Variants in DBNL observed in about 807,000 individuals in gnomAD.
The protein encoded by DBNL is drebrin like.
A neutral mutation model predicts 62.2 loss-of-function variants in DBNL; 35 were observed. The ratio of observed to expected loss-of-function variants is 0.56; its 90% confidence interval spans 0.43 to 0.75. The LOEUF (loss-of-function observed/expected upper bound fraction) is 0.75, where lower values mean the gene tolerates loss of function less well. Ranked by LOEUF, DBNL falls within the 30% of genes least tolerant of loss-of-function variation. The pLI is 0.00. For missense variants in DBNL, 495 were observed against 578.4 expected (o/e 0.86, Z 1.48); for synonymous variants, 197 against 218.0 (o/e 0.90, Z 0.85).
intron 1 of DBNL, among the ~76,000 whole-genome samples, chr7:44,046,972 T>C (rs931048701): frequency 2.6e-5 from 4 of 152,222 alleles, no homozygotes; most frequent in Admixed American, 1.3e-4. Flanking sequence ...TTCAGAGTCC[T>C]TGCTCTGCTG....
Position 44,060,813 on chromosome 7 carries a change from T to G in DBNL, c.1190T>G (p.Leu397Arg). Residue 397 changes from leucine (L) to arginine (R), a missense_variant, in exon 13 of 13, where the codon CTC becomes CGC. Leu to Arg is a moderately radical substitution (Grantham distance 102, BLOSUM62 -2). Transcript: ENST00000448521. This position sits in a 1 kb window ranked among gnomAD's most constrained non-coding sequence, Gnocchi z 6.3. ...GAGATCTCCTTTGACCCCGAGAACC[T>G]CATCACGGGCATCGAGGTGATCGAC... ...DTEISFDPEN[L>R]ITGIEVIDEG... The G allele has an allele frequency of 6.2e-7, 1 of 1,614,008 alleles. No individual in the cohort carries two copies. The highest frequency in any genetic ancestry group is 8.5e-7 in the Non-Finnish European group (1 of 1,179,946).
At chr7:44,047,570 G>A (rs541646847) in intron 1 of DBNL, among the ~76,000 whole-genome samples, 3 of 152,244 alleles carry the variant, frequency 2.0e-5, no homozygotes, top group South Asian at 2.1e-4. Flanking sequence ...TTTTTCTTCC[G>A]TTAGAAAGTA....
rs2096148566 is a variant in DBNL at position 44,061,271 on chromosome 7, T to C, written c.*355T>C. On this transcript the variant is annotated 3_prime_UTR_variant, in exon 13 of 13. Transcript: ENST00000448521. ...TGGGAGGCTCTGGCTGCCTTCTGCATTTATTTGCCTTTTTTCTTTTTCTCT... is the reference window on the plus strand; with the variant it reads ...TGGGAGGCTCTGGCTGCCTTCTGCACTTATTTGCCTTTTTTCTTTTTCTCT... 4.0e-6 allele frequency: 1 copy of C among 251,438 alleles called. No homozygotes were observed. The highest frequency in any genetic ancestry group is 7.7e-6 in the Non-Finnish European group (1 of 129,176). 15.6% of individuals were successfully genotyped at this position (251,438 alleles called of 1,614,324 possible).
chr7:44,051,878 T>C lies in DBNL; in HGVS notation c.188T>C (p.Met63Thr). Reference protein sequence around the residue: ...MVEELNSGKVMYAFCRVKDPN... With the variant: ...MVEELNSGKVTYAFCRVKDPN... ...GAGGAGCTCAACAGCGGGAAGGTGATGTACGCCTTCTGCAGAGTGAAGGAC... is the reference window on the plus strand; with the variant it reads ...GAGGAGCTCAACAGCGGGAAGGTGACGTACGCCTTCTGCAGAGTGAAGGAC... The change falls in exon 3 of 13, where the codon ATG (methionine) becomes ACG (threonine). Residue 63 changes from methionine (M) to threonine (T), a missense_variant. Physicochemically the swap from Met to Thr is moderately conservative, Grantham distance 81. Coordinates refer to ENST00000448521, the MANE Select transcript of DBNL (RefSeq NM_001014436.3). The C allele has an allele frequency of 6.2e-7, 1 of 1,614,154 alleles. No individual in the cohort carries two copies. The highest frequency in any genetic ancestry group is 8.5e-7 in the Non-Finnish European group (1 of 1,180,020).
In DBNL at chr7:44,063,411, A is replaced by C. The variant is rs2096152892; in HGVS notation, c.*2495A>C. On this transcript the variant is annotated 3_prime_UTR_variant, in exon 13 of 13. Transcript: ENST00000448521. ...GTGATTCTGCCTCAGCCTCCCAAGT[A>C]GCTGGGATTACAGGTGAGCGCCACC... The C allele has an allele frequency of 4.8e-6, 1 of 208,646 alleles. No individual in the cohort carries two copies. The highest frequency in any genetic ancestry group is 2.3e-5 in the African/African-American group (1 of 43,042). 12.9% of individuals were successfully genotyped at this position (208,646 alleles called of 1,614,324 possible).
chr7:44,048,091 T>C (rs2096120506), intron 1 of DBNL, among the ~76,000 whole-genome samples: 1 of 152,152 alleles, frequency 6.6e-6, no homozygotes, highest in Non-Finnish European at 1.5e-5. Context: ...TAATTTTGTA[T>C]TTTTAGTAGA....
rs2096163893 is a variant in DBNL at position 44,068,576 on chromosome 7, C to T, written c.*7660C>T. On this transcript the variant is annotated 3_prime_UTR_variant, in exon 13 of 13. Coordinates refer to ENST00000448521, the MANE Select transcript of DBNL (RefSeq NM_001014436.3). Reference sequence around the variant, plus strand: ...TCCAAAATAACCCAGTGTATGAAAACCAGGAAAATCTTAACATGGGAGAAA... The same window carrying T: ...TCCAAAATAACCCAGTGTATGAAAATCAGGAAAATCTTAACATGGGAGAAA... The T allele has an allele frequency of 6.6e-6, 1 of 152,110 alleles. No individual in the cohort carries two copies. The highest frequency in any genetic ancestry group is 1.5e-5 in the Non-Finnish European group (1 of 68,016). 9.4% of individuals were successfully genotyped at this position (152,110 alleles called of 1,614,324 possible).
rs1256622864 is a variant in DBNL at position 44,060,334 on chromosome 7, T to C, written c.1153+181T>C. On this transcript the variant is annotated intron_variant, in intron 12 of 12. Coordinates refer to ENST00000448521, the MANE Select transcript of DBNL (RefSeq NM_001014436.3). The surrounding 1 kb of genome is among the most constrained non-coding windows in gnomAD (Gnocchi z 6.3). ...GGGGGTGACTGTGGCACTAGAGTGT[T>C]CTGCACAGCCCAGGCCTCCCTACAT... 6.6e-6 allele frequency among the ~76,000 whole-genome samples: 1 copy of C among 152,034 alleles called. No individual in the cohort carries two copies. Among genetic ancestry groups the C allele is most frequent in the East Asian group, 1.9e-4 (1 of 5,172 alleles).
intron 1 of DBNL, among the ~76,000 whole-genome samples, chr7:44,047,588 T>C (rs1252096787): frequency 6.6e-6 from 1 of 152,200 alleles, no homozygotes; most frequent in African/African-American, 2.4e-5. Context: ...GTAAGTTCCA[T>C]GGGCAGGACC....
chr7:44,057,705 C>G lies in DBNL; in HGVS notation c.475-77C>G, dbSNP rs892572501. ...CTCACCTGTGCTGTCGCAAGTTTAG[C>G]GTATTCTCTCCTTTGGTGCCTGTGG... On this transcript the variant is annotated intron_variant, in intron 5 of 12. Coordinates refer to ENST00000448521, the MANE Select transcript of DBNL (RefSeq NM_001014436.3). The G allele has an allele frequency of 3.2e-6, 5 of 1,543,280 alleles. No homozygotes were observed. The African/African-American group carries it at 6.8e-5, about 21-fold the overall frequency.
Position 44,064,739 on chromosome 7 carries a change from G to A in DBNL, c.*3823G>A, listed in dbSNP as rs1460864386. ...TGATGTGGAGCCCCACGCCTAGAAA[G>A]CCTGGTCCATGGGCGAGAGACTTTG... On this transcript the variant is annotated 3_prime_UTR_variant, in exon 13 of 13. Coordinates refer to ENST00000448521, the MANE Select transcript of DBNL (RefSeq NM_001014436.3). The A allele has an allele frequency of 3.5e-6, 4 of 1,131,542 alleles. No individual in the cohort carries two copies. Among genetic ancestry groups the A allele is most frequent in the Non-Finnish European group, 5.1e-6 (4 of 779,422 alleles). 70.1% of individuals were successfully genotyped at this position (1,131,542 alleles called of 1,614,324 possible). A position where few individuals can be genotyped will look rare whatever the true frequency, so the allele number is the denominator to read the frequency against.
At position 44,057,873 on chromosome 7, in the gene DBNL, C is replaced by T. The variant is rs751475220; in HGVS notation, c.552+14C>T. On this transcript the variant is annotated intron_variant, in intron 6 of 12. Transcript: ENST00000448521. ...GCCAAAGCAGAGGTGAGTGCTGCCC[C>T]GGGGCATGCTGGGCACGTGGGAGTG... The T allele has an allele frequency of 9.9e-6, 16 of 1,613,954 alleles. No homozygotes were observed. The highest frequency in any genetic ancestry group is 1.3e-5 in the African/African-American group (1 of 74,928).
At chr7:44,046,673 C>T (rs2096117831) in intron 1 of DBNL, among the ~76,000 whole-genome samples, 1 of 152,234 alleles carries the variant, frequency 6.6e-6, no homozygotes, top group African/African-American at 2.4e-5. Flanking sequence ...AGCAGCATAA[C>T]CCACTGACCT....
Position 44,066,374 on chromosome 7 carries a change from G to T in DBNL, c.*5458G>T, listed in dbSNP as rs1399730323. 6.6e-6 allele frequency: 1 copy of T among 152,546 alleles called. No homozygotes were observed. Among genetic ancestry groups the T allele is most frequent in the African/African-American group, 2.4e-5 (1 of 41,456 alleles). The allele number at this position is 152,546 out of a possible 1,614,324, so 9.4% of individuals were successfully genotyped here. ...GAACCCACAACGTAGGCTGAAGGGT[G>T]GCACGGAGTTGAGTCTAGGACCAAG... On this transcript the variant is annotated 3_prime_UTR_variant, in exon 13 of 13. Transcript: ENST00000448521.
In DBNL at chr7:44,065,278, A is replaced by G. The variant is rs755125202; in HGVS notation, c.*4362A>G. Reference sequence around the variant, plus strand: ...CGTAATGCCGCTCATTGAGGCGCCAAGTGCGCACCACAGGCAGCCACATCT... The same window carrying G: ...CGTAATGCCGCTCATTGAGGCGCCAGGTGCGCACCACAGGCAGCCACATCT... On this transcript the variant is annotated 3_prime_UTR_variant, in exon 13 of 13. Coordinates refer to ENST00000448521, the MANE Select transcript of DBNL (RefSeq NM_001014436.3). 34 of 1,613,596 alleles carry G rather than the reference A, an allele frequency of 2.1e-5. No homozygotes were observed. The highest frequency in any genetic ancestry group is 1.6e-4 in the Middle Eastern group (1 of 6,084).
In DBNL at chr7:44,068,738, G is replaced by C. The variant is rs551981853; in HGVS notation, c.*7822G>C. 10 of 152,174 alleles carry C rather than the reference G, an allele frequency of 6.6e-5. No individual in the cohort carries two copies. The highest frequency in any genetic ancestry group is 1.3e-4 in the Non-Finnish European group (9 of 68,028). The allele number at this position is 152,174 out of a possible 1,614,324, so 9.4% of individuals were successfully genotyped here. ...TCTTAAACAGAATGGAAATGACAAA[G>C]CATGGAGTCCATAAATTAGATGATA... On this transcript the variant is annotated 3_prime_UTR_variant, in exon 13 of 13. Transcript: ENST00000448521.
Position 44,065,046 on chromosome 7 carries a change from A to C in DBNL, c.*4130A>C. 1 of 1,608,824 alleles carries C rather than the reference A, an allele frequency of 6.2e-7. No homozygotes were observed. Among genetic ancestry groups the C allele is most frequent in the Non-Finnish European group, 8.5e-7 (1 of 1,179,738 alleles). ...CACAGGCACGCTGCTTTCCCTCCCA[A>C]GCCAGTGGGCCCCCACCCGACTCCC... On this transcript the variant is annotated 3_prime_UTR_variant, in exon 13 of 13. Coordinates refer to ENST00000448521, the MANE Select transcript of DBNL (RefSeq NM_001014436.3).
Position 44,057,874 on chromosome 7 carries a change from G to GGGGCATGCT in DBNL, c.552+21_552+29dup, listed in dbSNP as rs1562655145. On this transcript the variant is annotated intron_variant, in intron 6 of 12. Coordinates refer to ENST00000448521, the MANE Select transcript of DBNL (RefSeq NM_001014436.3). The stretch of plus-strand genomic sequence containing the variant: ...CCAAAGCAGAGGTGAGTGCTGCCCC[G>GGGGCATGCT]GGGCATGCTGGGCACGTGGGAGTGT... The GGGGCATGCT allele has an allele frequency of 6.2e-7, 1 of 1,614,066 alleles. No homozygotes were observed. Among genetic ancestry groups the GGGGCATGCT allele is most frequent in the Non-Finnish European group, 8.5e-7 (1 of 1,180,002 alleles).
At position 44,065,368 on chromosome 7, in the gene DBNL, G is replaced by T. The variant is rs923727940; in HGVS notation, c.*4452G>T. 2 of 1,613,876 alleles carry T rather than the reference G, an allele frequency of 1.2e-6. No individual in the cohort carries two copies. The highest frequency in any genetic ancestry group is 2.7e-5 in the African/African-American group (2 of 74,948). Reference sequence around the variant, plus strand: ...CCCGCTTCAGCACTGACGTGTAGCAGATGTCAAACTCCATCTTGGCATCCT... The same window carrying T: ...CCCGCTTCAGCACTGACGTGTAGCATATGTCAAACTCCATCTTGGCATCCT... On this transcript the variant is annotated 3_prime_UTR_variant, in exon 13 of 13. Transcript: ENST00000448521.
Sources: gnomAD v4.1 joint callset for allele counts (sites outside exome capture counted in the v4.1 genomes callset) on GRCh38, gnomAD v4.1.1 for gene constraint, Gnocchi (gnomAD v3.1) non-coding constraint, MANE v1.5 for transcripts, NCBI Gene and HGNC (gene_info 2026-07-23, HGNC 2026-07-21) for gene names.